The following FNBP1 variants were observed in gnomAD, a reference collection of about 807,000 sequenced individuals.
The protein encoded by FNBP1 is formin-binding protein 1.
A neutral mutation model predicts 90.6 loss-of-function variants in FNBP1; 26 were observed. That is an observed-to-expected ratio of 0.29 (90% CI 0.21 to 0.40). The LOEUF (loss-of-function observed/expected upper bound fraction) is 0.40. Ranked by LOEUF, FNBP1 falls within the 10% of genes least tolerant of loss-of-function variation. The probability of loss-of-function intolerance (pLI) is 1.00; values close to 1 mark genes in which losing one functional copy is unlikely to be tolerated. For synonymous variants in FNBP1, 260 were observed against 265.2 expected (o/e 0.98, Z 0.19); for missense variants, 635 against 768.0 (o/e 0.83, Z 2.05).
At chr9:129,996,145 G>A (rs1011635831) in intron 1 of FNBP1, among the ~76,000 whole-genome samples, 2 of 152,154 alleles carry the variant, frequency 1.3e-5, no homozygotes, top group Non-Finnish European at 2.9e-5. Context: ...AAAATTAAAT[G>A]TTGTTTTGAC....
At position 129,927,228 on chromosome 9, in the gene FNBP1, T is replaced by A. The variant is rs758343155; in HGVS notation, c.756A>T (p.Ile252=). 2.5e-6 allele frequency: 4 copies of A among 1,613,996 alleles called. No individual in the cohort carries two copies. The East Asian group carries it at 6.7e-5, about 27-fold the overall frequency. ...IPIIGKCLDG[I]VKAAESIDQK... ...GATCAATTGATTCGGCTGCTTTTAC[T>A]ATTCCATCCAGGCACTTCCCAATGA... is the stretch of plus-strand genomic sequence containing the variant. Residue 252 remains isoleucine, a synonymous_variant, in exon 8 of 17, where the codon ATA becomes ATT. Coordinates refer to ENST00000446176, the MANE Select transcript of FNBP1 (RefSeq NM_015033.3).
chr9:129,970,723 C>T (rs2049322610), intron 4 of FNBP1, among the ~76,000 whole-genome samples: 1 of 152,072 alleles, frequency 6.6e-6, no homozygotes, highest in Non-Finnish European at 1.5e-5. Context: ...AAGTGGAACC[C>T]ACTAGGTGAA....
intron 7 of FNBP1, among the ~76,000 whole-genome samples, chr9:129,928,273 A>G (rs1056762284): frequency 6.6e-6 from 1 of 152,380 alleles, no homozygotes; most frequent in East Asian, 1.9e-4. Flanking sequence ...CTATAACTCT[A>G]TGAATGCTGC....
At chr9:130,007,153 G>A (rs2055839831) in intron 1 of FNBP1, among the ~76,000 whole-genome samples, 1 of 138,588 alleles carries the variant, frequency 7.2e-6, no homozygotes, top group Admixed American at 8.1e-5. Flanking sequence ...GAGGTGGAAG[G>A]ATCACTTGAG....
At chr9:129,892,696 G>A (rs2035240575) in intron 16 of FNBP1, among the ~76,000 whole-genome samples, 1 of 152,130 alleles carries the variant, frequency 6.6e-6, no homozygotes, top group African/African-American at 2.4e-5. Flanking sequence ...TATACTTTGG[G>A]TGGAAATGGA....
chr9:129,902,901 C>T lies in FNBP1; in HGVS notation c.1396G>A (p.Glu466Lys), dbSNP rs753543492. Residue 466 changes from glutamate (E) to lysine (K), a missense_variant, in exon 13 of 17, where the codon GAG (glutamate) becomes AAG (lysine). By Grantham distance (56) the Glu-to-Lys change is moderately conservative. Transcript: ENST00000446176. ...TTCTGGGTCTCTACTCGCAGTTTCT[C>T]TATATTTTGGCTGACTTCTGCTAAT... is the stretch of plus-strand genomic sequence containing the variant. ...HKLAEVSQNI[E>K]KLRVETQKFE... 6.2e-6 allele frequency: 10 copies of T among 1,613,652 alleles called. No individual in the cohort carries two copies. Among genetic ancestry groups the T allele is most frequent in the Non-Finnish European group, 8.5e-6 (10 of 1,179,824 alleles).
At chr9:130,024,600 A>T (rs2058157693) in intron 1 of FNBP1, among the ~76,000 whole-genome samples, 1 of 152,128 alleles carries the variant, frequency 6.6e-6, no homozygotes, top group Non-Finnish European at 1.5e-5. Flanking sequence ...ATCCCACCCA[A>T]CTACTTCCAA....
chr9:129,997,398 T>C (rs922525979), intron 1 of FNBP1, among the ~76,000 whole-genome samples: 1 of 152,202 alleles, frequency 6.6e-6, no homozygotes, highest in Admixed American at 6.5e-5. Flanking sequence ...ATTTTTAATA[T>C]TTAAAGTTGA....
At chr9:129,960,491 A>G (rs2047650283) in intron 4 of FNBP1, among the ~76,000 whole-genome samples, 1 of 151,894 alleles carries the variant, frequency 6.6e-6, no homozygotes, top group African/African-American at 2.4e-5. Context: ...GGCTGTTTTC[A>G]TTATTAGATT....
At chr9:129,897,588 TTTTA>T (rs978352167) in intron 15 of FNBP1, among the ~76,000 whole-genome samples, 16 of 152,224 alleles carry the variant, frequency 1.1e-4, no homozygotes, top group South Asian at 4.1e-4. Flanking sequence ...TTTTTCGTAA[TTTTA>T]TTTATTTATT....
chr9:129,953,699 G>C (rs1297986122), intron 6 of FNBP1, among the ~76,000 whole-genome samples: 1 of 151,836 alleles, frequency 6.6e-6, no homozygotes, highest in Non-Finnish European at 1.5e-5. Context: ...ACTTAAGTGG[G>C]AAGTCTGTAA....
intron 2 of FNBP1, among the ~76,000 whole-genome samples, chr9:129,983,174 T>C (rs998039037): frequency 2.6e-5 from 4 of 151,860 alleles, no homozygotes; most frequent in Admixed American, 2.0e-4. Context: ...TCTGAATCTA[T>C]TGATCCAGGT....
At chr9:129,899,909 A>G (rs546416475) in intron 15 of FNBP1, 56 bp downstream of exon 15, 2 of 1,406,868 alleles carry the variant, frequency 1.4e-6, no homozygotes, top group African/African-American at 2.9e-5. Flanking sequence ...AAGAAGAGTA[A>G]CTCAGATATT....
At chr9:129,899,277 C>T (rs905312301) in intron 15 of FNBP1, among the ~76,000 whole-genome samples, 3 of 152,028 alleles carry the variant, frequency 2.0e-5, no homozygotes, top group African/African-American at 4.8e-5. Context: ...GGGATTTCAC[C>T]ATGTTGGCGA....
In FNBP1 at chr9:129,978,446, A is replaced by G; in HGVS notation, c.345+19T>C. ...TTTGGTCCATCTTTTAGGAAGAAAAAGAATAAAGTTTTGCTTACTGATTTC... is the reference window on the plus strand; with the variant it reads ...TTTGGTCCATCTTTTAGGAAGAAAAGGAATAAAGTTTTGCTTACTGATTTC... On this transcript the variant is annotated intron_variant, in intron 4 of 16. Coordinates refer to ENST00000446176, the MANE Select transcript of FNBP1 (RefSeq NM_015033.3). The G allele has an allele frequency of 6.2e-7, 1 of 1,607,064 alleles. No individual in the cohort carries two copies. The highest frequency in any genetic ancestry group is 8.5e-7 in the Non-Finnish European group (1 of 1,174,620).
intron 1 of FNBP1, among the ~76,000 whole-genome samples, chr9:130,038,006 A>G (rs895022317): frequency 3.3e-5 from 5 of 152,150 alleles, no homozygotes; most frequent in African/African-American, 1.2e-4. Context: ...CATATTCAAC[A>G]GATGAATGTA....
At chr9:130,038,236 T>C (rs1381393747) in intron 1 of FNBP1, among the ~76,000 whole-genome samples, 1 of 150,904 alleles carries the variant, frequency 6.6e-6, no homozygotes, top group Non-Finnish European at 1.5e-5. Flanking sequence ...GCGCCTGTAG[T>C]CCCAGCTACT....
intron 6 of FNBP1, among the ~76,000 whole-genome samples, chr9:129,940,958 G>A (rs1199362012): frequency 1.3e-5 from 2 of 151,908 alleles, no homozygotes; most frequent in African/African-American, 2.4e-5. Context: ...AATCCTCTAG[G>A]AACCCCAAAC....
rs185841319 is a variant in FNBP1, at chr9:129,922,444, G to T, written c.1170+1400C>A. 1.4e-4 allele frequency among the ~76,000 whole-genome samples: 22 copies of T among 152,262 alleles called. 1 individual carries two copies. Among genetic ancestry groups the T allele is most frequent in the Admixed American group, 1.4e-3 (21 of 15,280 alleles). On this transcript the variant is annotated intron_variant, in intron 10 of 16. Transcript: ENST00000446176. Reference sequence around the variant, plus strand: ...TCAGACTCTGTAATCAGACTCCCCGGATCTAAATCCCGGCTCTGTATCTTC... The same window carrying T: ...TCAGACTCTGTAATCAGACTCCCCGTATCTAAATCCCGGCTCTGTATCTTC...
Sources: gnomAD v4.1 joint callset for allele counts (sites outside exome capture counted in the v4.1 genomes callset) on GRCh38, gnomAD v4.1.1 for gene constraint, MANE v1.5 for transcripts, NCBI Gene and HGNC (gene_info 2026-07-23, HGNC 2026-07-21) for gene names.